Variants in ECT2 observed in about 807,000 individuals in gnomAD.
The protein encoded by ECT2 is epithelial cell transforming 2, also known as protein ECT2.
In ECT2, 61 loss-of-function variants were observed where a neutral mutation model predicts 116.9. The ratio of observed to expected loss-of-function variants is 0.52; its 90% CI spans 0.42 to 0.65. The LOEUF (loss-of-function observed/expected upper bound fraction) is 0.65, where lower values mean the gene tolerates loss of function less well. Ranked by LOEUF, ECT2 falls within the 30% of genes least tolerant of loss-of-function variation. The probability of loss-of-function intolerance (pLI) is 0.00; values close to 1 mark genes in which losing one functional copy is unlikely to be tolerated. For synonymous variants in ECT2, 358 were observed against 346.4 expected (o/e 1.03, Z -0.37); for missense variants, 937 against 1,078.7 (o/e 0.87, Z 1.84).
rs772387701 is a variant in ECT2 at position 172,769,009 on chromosome 3, A to G, written c.1294A>G (p.Thr432Ala). ...TPESSINYGD[T>A]PKSCTKSSKS... Reference sequence around the variant, plus strand: ...CTTTCCACCTTTTAACGTTTCAGACACCCCAAAGTCTTGTACTAAGTCTTC... The same window carrying G: ...CTTTCCACCTTTTAACGTTTCAGACGCCCCAAAGTCTTGTACTAAGTCTTC... The change falls in exon 13 of 25, where the codon ACC (threonine) becomes GCC (alanine). Residue 432 changes from threonine to alanine, a missense_variant and splice_region_variant. By Grantham distance (58) the Thr-to-Ala change is moderately conservative. Transcript: ENST00000392692. 1 of 1,594,744 alleles carries G rather than the reference A, an allele frequency of 6.3e-7. No homozygotes were observed. Among genetic ancestry groups the G allele is most frequent in the South Asian group, 1.2e-5 (1 of 86,788 alleles).
intron 21 of ECT2, among the ~76,000 whole-genome samples, chr3:172,806,661 T>G (rs1227328492): frequency 1.4e-5 from 2 of 146,516 alleles, no homozygotes; most frequent in Non-Finnish European, 3.0e-5. Flanking sequence ...GTTTTTTTTT[T>G]TTTTTTTTTG....
chr3:172,797,591 A>T (rs1380664229), intron 18 of ECT2, among the ~76,000 whole-genome samples: 1 of 152,166 alleles, frequency 6.6e-6, no homozygotes, highest in African/African-American at 2.4e-5. Context: ...ACTGTGTAAC[A>T]TTGTTCCTTT....
chr3:172,821,800 G>A (rs1467786524), downstream of ECT2, among the ~76,000 whole-genome samples: 1 of 151,812 alleles, frequency 6.6e-6, no homozygotes, highest in Non-Finnish European at 1.5e-5. Context: ...AAAGAGTGGG[G>A]TTTCCAGAGA....
At chr3:172,768,583 T>C (rs557015538) in intron 12 of ECT2, among the ~76,000 whole-genome samples, 1 of 152,232 alleles carries the variant, frequency 6.6e-6, no homozygotes. Context: ...TACTGTGAAC[T>C]GTTTTGTAGA....
At chr3:172,808,933 A>G (rs1441207595) in intron 22 of ECT2, among the ~76,000 whole-genome samples, 1 of 152,128 alleles carries the variant, frequency 6.6e-6, no homozygotes, top group Non-Finnish European at 1.5e-5. Context: ...TGGACCAATA[A>G]TATGTTCTTA....
intron 22 of ECT2, among the ~76,000 whole-genome samples, chr3:172,809,761 A>G (rs889384998): frequency 6.6e-6 from 1 of 152,122 alleles, no homozygotes; most frequent in Non-Finnish European, 1.5e-5. Context: ...AATAAGCACA[A>G]CTATTTTATT....
chr3:172,769,243 G>C, intron 13 of ECT2, 100 bp downstream of exon 13: 1 of 1,176,878 alleles, frequency 8.5e-7, no homozygotes, highest in Non-Finnish European at 1.2e-6. Flanking sequence ...TATAAACATA[G>C]TATTTGAACA....
chr3:172,756,913 T>C, intron 4 of ECT2, 70 bp from the exon 5 acceptor site: 1 of 1,334,836 alleles, frequency 7.5e-7, no homozygotes, highest in Non-Finnish European at 1.0e-6. Context: ...TGTTAAGCCT[T>C]ATTTAGAGAG....
chr3:172,761,542 A>G, intron 7 of ECT2, 68 bp from the exon 8 acceptor site: 1 of 1,082,794 alleles, frequency 9.2e-7, no homozygotes, highest in Non-Finnish European at 1.4e-6. Flanking sequence ...TAAGTATGTT[A>G]ACTGTTTAGA....
At chr3:172,759,608 A>T (rs1199182164) in intron 6 of ECT2, among the ~76,000 whole-genome samples, 1 of 150,748 alleles carries the variant, frequency 6.6e-6, no homozygotes, top group Non-Finnish European at 1.5e-5. Context: ...CGCCTGGCTA[A>T]TTTTTTTTTG....
chr3:172,817,059 G>A (rs1347426941), intron 24 of ECT2, among the ~76,000 whole-genome samples: 2 of 151,936 alleles, frequency 1.3e-5, no homozygotes, highest in African/African-American at 4.8e-5. Flanking sequence ...AAAATGTGGG[G>A]TGCACCTTAT....
chr3:172,776,447 T>G (rs1279564755), intron 14 of ECT2, among the ~76,000 whole-genome samples: 1 of 152,138 alleles, frequency 6.6e-6, no homozygotes, highest in South Asian at 2.1e-4. Context: ...ATTTTGGGTT[T>G]TTTTCTTTAT....
intron 18 of ECT2, among the ~76,000 whole-genome samples, chr3:172,801,048 A>G (rs978985984): frequency 6.6e-6 from 1 of 152,136 alleles, no homozygotes; most frequent in Admixed American, 6.5e-5. Flanking sequence ...TCTTTCTTGC[A>G]GTTTTTAGAA....
chr3:172,802,898 G>C lies in ECT2; in HGVS notation c.2024G>C (p.Arg675Pro). The C allele has an allele frequency of 6.2e-7, 1 of 1,613,086 alleles. No individual in the cohort carries two copies. Among genetic ancestry groups the C allele is most frequent in the Non-Finnish European group, 8.5e-7 (1 of 1,179,486 alleles). The change falls in exon 20 of 25, where the codon CGG becomes CCG. Residue 675 changes from arginine to proline, a missense_variant. Transcript: ENST00000392692. The stretch of plus-strand genomic sequence containing the variant: ...TCTTCTCACCGAAGCTTAGTACAGC[G>C]GGTTGAAACAATTTCTCTAGGTGAG... ...LLSSHRSLVQ[R>P]VETISLGEHP...
chr3:172,778,172 G>T (rs1264079650), intron 14 of ECT2, among the ~76,000 whole-genome samples: 1 of 152,148 alleles, frequency 6.6e-6, no homozygotes. Flanking sequence ...AGCCCCATCT[G>T]TTTATGACTT....
chr3:172,799,028 TAA>T (rs1726240600), intron 18 of ECT2, among the ~76,000 whole-genome samples: 1 of 152,210 alleles, frequency 6.6e-6, no homozygotes, highest in African/African-American at 2.4e-5. Flanking sequence ...CAAGAGGTTT[TAA>T]AATCTGAAAT....
At chr3:172,826,549 T>C in the ECT2 span, among the ~76,000 whole-genome samples, 6 of 152,206 alleles carry the variant, frequency 3.9e-5, no homozygotes, top group Non-Finnish European at 8.8e-5. Context: ...TAGTTGATAA[T>C]GCAGAGGCAG....
intron 15 of ECT2, among the ~76,000 whole-genome samples, chr3:172,783,528 G>T (rs965330247): frequency 6.6e-6 from 1 of 151,886 alleles, no homozygotes; most frequent in Non-Finnish European, 1.5e-5. Context: ...TGTCATGTTT[G>T]TATCAATACA....
intron 14 of ECT2, among the ~76,000 whole-genome samples, chr3:172,777,657 G>A (rs998246941): frequency 1.3e-5 from 2 of 152,158 alleles, no homozygotes; most frequent in African/African-American, 4.8e-5. Flanking sequence ...TCTGCACTTT[G>A]GGAGGCCGAG....
Sources: gnomAD v4.1 joint callset for allele counts (sites outside exome capture counted in the v4.1 genomes callset) on GRCh38, gnomAD v4.1.1 for gene constraint, MANE v1.5 for transcripts, NCBI Gene and HGNC (gene_info 2026-07-23, HGNC 2026-07-21) for gene names.